The following CLIC5 variants were observed in gnomAD, a reference collection of about 807,000 sequenced individuals.
The protein encoded by CLIC5 is CLIC family member 5.
CLIC5 carries 20 observed loss-of-function variants against 24.7 expected under a neutral mutation model. That is an observed-to-expected ratio of 0.81 (90% confidence interval 0.57 to 1.18). The LOEUF (loss-of-function observed/expected upper bound fraction) is 1.18. Among genes scored for constraint, CLIC5 ranks in the 50% most tolerant of loss-of-function variants. CLIC5 has a pLI of 0.00. For synonymous variants in CLIC5, 159 were observed against 135.6 expected, an observed-to-expected ratio of 1.17 and a Z score of -1.20; for missense variants, 341 against 326.1, an observed-to-expected ratio of 1.05 and a Z score of -0.35.
At chr6:45,969,902 G>T (rs1042104156) in intron 1 of CLIC5, among the ~76,000 whole-genome samples, 7 of 151,740 alleles carry the variant, frequency 4.6e-5, no homozygotes, top group Admixed American at 1.3e-4. Context: ...AGGATAGAAG[G>T]GAAGCTGTGT....
At chr6:46,019,343 T>C (rs1181960588), upstream of CLIC5, among the ~76,000 whole-genome samples, 1 of 152,162 alleles carries the variant, frequency 6.6e-6, no homozygotes, top group Non-Finnish European at 1.5e-5. Flanking sequence ...ATGTTATTGA[T>C]AAATTAAAAG....
downstream of CLIC5, among the ~76,000 whole-genome samples, chr6:45,895,328 A>G (rs947901602): frequency 7.2e-5 from 11 of 152,176 alleles, no homozygotes; most frequent in Admixed American, 5.9e-4. Flanking sequence ...AATTTGGACA[A>G]CTGACTAAAT....
At chr6:45,947,915 A>G (rs1764339670) in intron 3 of CLIC5, among the ~76,000 whole-genome samples, 1 of 152,198 alleles carries the variant, frequency 6.6e-6, no homozygotes, top group African/African-American at 2.4e-5. Flanking sequence ...CTCAGTGTGC[A>G]AATAAGCTGA....
intron 1 of CLIC5, among the ~76,000 whole-genome samples, chr6:45,982,361 T>C (rs1232316671): frequency 6.6e-6 from 1 of 152,154 alleles, no homozygotes; most frequent in Non-Finnish European, 1.5e-5. Context: ...GAGTTCATGA[T>C]ATTATAAATT....
At chr6:46,106,985 T>C in the CLIC5 span, among the ~76,000 whole-genome samples, 86 of 152,358 alleles carry the variant, frequency 5.6e-4, no homozygotes, top group African/African-American at 2.0e-3. Flanking sequence ...TGTATTTTTA[T>C]ATATACGTGG....
At chr6:46,060,627 T>C (rs1266348541) in intron 1 of CLIC5, among the ~76,000 whole-genome samples, 5 of 152,170 alleles carry the variant, frequency 3.3e-5, no homozygotes, top group Admixed American at 6.5e-5. Context: ...TCCACTATGC[T>C]AAACCTCCTC....
chr6:46,126,185 T>C, the CLIC5 span, among the ~76,000 whole-genome samples: 2 of 152,138 alleles, frequency 1.3e-5, no homozygotes, highest in Non-Finnish European at 2.9e-5. Flanking sequence ...CTGACTCCCA[T>C]AGTCAAAGAA....
rs192212408 is a variant in CLIC5 at position 45,985,797 on chromosome 6, G to A, written c.63+29683C>T. 7.2e-5 allele frequency among the ~76,000 whole-genome samples: 11 copies of A among 152,236 alleles called. No homozygotes were observed. The East Asian group carries it at 2.1e-3, about 29-fold the overall frequency. On this transcript the variant is annotated intron_variant, in intron 1 of 5. Transcript: ENST00000339561. ...GGTCAGATCTAAGTAAAGGGTCCTT[G>A]TAGTTGTTCTCCCATGTATAGGCCT...
chr6:45,940,331 C>G (rs192317990), intron 4 of CLIC5, among the ~76,000 whole-genome samples: 1 of 152,344 alleles, frequency 6.6e-6, no homozygotes, highest in East Asian at 1.9e-4. Context: ...GAAGCCTGTC[C>G]TTCTGCATCT....
At chr6:45,950,665 G>C (rs1764441481) in intron 2 of CLIC5, among the ~76,000 whole-genome samples, 1 of 152,114 alleles carries the variant, frequency 6.6e-6, no homozygotes, top group African/African-American at 2.4e-5. Context: ...TCTCAAATTG[G>C]TAAAAACTTC....
At chr6:45,986,802 G>A (rs989539299) in intron 1 of CLIC5, among the ~76,000 whole-genome samples, 23 of 152,116 alleles carry the variant, frequency 1.5e-4, no homozygotes, top group Admixed American at 2.0e-4. Flanking sequence ...AAGTACAGCA[G>A]CTAGTAGCTA....
intron 1 of CLIC5, among the ~76,000 whole-genome samples, chr6:46,046,403 C>G (rs1193672140): frequency 6.6e-6 from 1 of 152,168 alleles, no homozygotes; most frequent in Non-Finnish European, 1.5e-5. Context: ...AGTGTCAGTA[C>G]CATTTCCCAA....
intron 1 of CLIC5, among the ~76,000 whole-genome samples, chr6:46,010,377 C>CA (rs910349375): frequency 1.5e-4 from 23 of 149,564 alleles, no homozygotes; most frequent in African/African-American, 2.5e-4. Context: ...CTGGTTAAAA[C>CA]AAAAAAAAAA....
At chr6:45,939,372 T>C (rs190799222) in intron 4 of CLIC5, among the ~76,000 whole-genome samples, 7 of 151,148 alleles carry the variant, frequency 4.6e-5, no homozygotes. Flanking sequence ...TGCCATCACA[T>C]CTGGCTAATT....
chr6:46,122,437 A>C, the CLIC5 span, among the ~76,000 whole-genome samples: 1 of 152,214 alleles, frequency 6.6e-6, no homozygotes, highest in African/African-American at 2.4e-5. Context: ...AGCAGTGTGT[A>C]GAGGGAAATT....
chr6:46,125,421 T>C, the CLIC5 span, among the ~76,000 whole-genome samples: 7 of 152,000 alleles, frequency 4.6e-5, no homozygotes, highest in Non-Finnish European at 7.4e-5. Flanking sequence ...CACCAGGGCC[T>C]GTTGTGGGGT....
chr6:46,034,903 C>A (rs187009117), intron 1 of CLIC5, among the ~76,000 whole-genome samples: 2 of 152,126 alleles, frequency 1.3e-5, no homozygotes, highest in African/African-American at 4.8e-5. Flanking sequence ...GAAGTGGGAC[C>A]GTAATAGCTG....
chr6:46,042,670 C>T (rs1224475867), intron 1 of CLIC5, among the ~76,000 whole-genome samples: 1 of 152,182 alleles, frequency 6.6e-6, no homozygotes, highest in Non-Finnish European at 1.5e-5. Flanking sequence ...GAAGTAGATA[C>T]ATCAGCAACA....
At chr6:46,099,999 C>T in the CLIC5 span, among the ~76,000 whole-genome samples, 1 of 148,402 alleles carries the variant, frequency 6.7e-6, no homozygotes, top group African/African-American at 2.5e-5. Context: ...AAAAAAAAAA[C>T]GGGGCTGAGA....
Sources: gnomAD v4.1 joint callset for allele counts (sites outside exome capture counted in the v4.1 genomes callset) on GRCh38, gnomAD v4.1.1 for gene constraint, MANE v1.5 for transcripts, NCBI Gene and HGNC (gene_info 2026-07-23, HGNC 2026-07-21) for gene names.